TEKT3: variants seen among roughly 807,000 people sequenced by gnomAD.
The protein encoded by TEKT3 is tektin 3, also known as tektin-3.
TEKT3 carries 49 observed loss-of-function variants against 49.8 expected under a neutral mutation model. The observed-to-expected ratio is 0.98, with a 90% CI of 0.78 to 1.25. The LOEUF (loss-of-function observed/expected upper bound fraction) is 1.25, where lower values mean the gene tolerates loss of function less well. Among genes scored for constraint, TEKT3 ranks in the 50% most tolerant of loss-of-function variants. The pLI is 0.00. For synonymous variants in TEKT3, 225 were observed against 237.2 expected (o/e 0.95, Z 0.47); for missense variants, 595 against 629.5 (o/e 0.95, Z 0.59).
chr17:15,314,358 C>T (rs994844282), intron 5 of TEKT3, 128 bp from the exon 6 acceptor site: 33 of 1,302,850 alleles, frequency 2.5e-5, no homozygotes, highest in Middle Eastern at 1.8e-4. Context: ...CTTCACACAG[C>T]GTTCAATTTC....
rs147750959 is a variant in TEKT3 at position 15,312,432 on chromosome 17, G to A, written c.928C>T (p.Arg310Cys). ...GAAGCTGCCCGTTCACTCTGGGAGC[G>A]GAGAATATTGTCATCTGTAAATTTG... Reference protein sequence around the residue: ...WAKFTDDNILRSQSERAASAK... With the variant: ...WAKFTDDNILCSQSERAASAK... The change falls in exon 7 of 9, where the codon CGC (arginine) becomes TGC (cysteine). Residue 310 changes from arginine (R) to cysteine (C), a missense_variant. Coordinates refer to ENST00000395930, the MANE Select transcript of TEKT3 (RefSeq NM_031898.3). 4.8e-5 allele frequency: 78 copies of A among 1,613,966 alleles called. No homozygotes were observed. In the African/African-American group the frequency reaches 8.0e-4, roughly 17 times the overall value.
chr17:15,338,332 C>A (rs1249033638), intron 2 of TEKT3: 1 of 152,094 alleles, frequency 6.6e-6, no homozygotes, highest in Non-Finnish European at 1.5e-5. Context: ...AAAATTGAAT[C>A]TACAGTTTAA....
chr17:15,314,067 G>A lies in TEKT3; in HGVS notation c.878+20C>T, dbSNP rs750834511. On this transcript the variant is annotated intron_variant, in intron 6 of 8. Coordinates refer to ENST00000395930, the MANE Select transcript of TEKT3 (RefSeq NM_031898.3). ...GTTAAATGACATCGAAATCACAGCC[G>A]TGGCGTGTGCCTGACTTACGTTGCA... 2.7e-5 allele frequency: 44 copies of A among 1,613,930 alleles called. No individual in the cohort carries two copies. Among genetic ancestry groups the A allele is most frequent in the African/African-American group, 2.1e-4 (16 of 74,910 alleles).
intron 5 of TEKT3, among the ~76,000 whole-genome samples, chr17:15,316,609 T>C (rs747224167): frequency 2.0e-4 from 30 of 152,200 alleles, no homozygotes; most frequent in Non-Finnish European, 3.7e-4. Context: ...ACCCCATGAA[T>C]ATATACACAT....
At chr17:15,307,895 C>A (rs573345452) in intron 8 of TEKT3, among the ~76,000 whole-genome samples, 1 of 152,018 alleles carries the variant, frequency 6.6e-6, no homozygotes, top group Non-Finnish European at 1.5e-5. Context: ...CGGATTGTGG[C>A]GGGGGTAGGG....
chr17:15,314,409 A>G, intron 5 of TEKT3, 179 bp from the exon 6 acceptor site: 2 of 783,584 alleles, frequency 2.6e-6, no homozygotes, highest in Non-Finnish European at 4.3e-6. Flanking sequence ...CCATACCTCT[A>G]CGTCACTGGG....
chr17:15,317,878 G>A (rs1209749791), intron 5 of TEKT3, among the ~76,000 whole-genome samples: 1 of 151,526 alleles, frequency 6.6e-6, no homozygotes, highest in African/African-American at 2.4e-5. Flanking sequence ...TCCCCTGGAA[G>A]AATGTGTATT....
At chr17:15,306,693 G>A (rs1222741149) in intron 8 of TEKT3, among the ~76,000 whole-genome samples, 1 of 151,876 alleles carries the variant, frequency 6.6e-6, no homozygotes, top group South Asian at 2.1e-4. Flanking sequence ...TCTGTCTAAC[G>A]GCAGTATAAA....
chr17:15,320,230 A>G (rs1911192238), intron 4 of TEKT3, among the ~76,000 whole-genome samples: 1 of 152,168 alleles, frequency 6.6e-6, no homozygotes, highest in Non-Finnish European at 1.5e-5. Context: ...TTGCAAGCTG[A>G]TATTATGAGT....
intron 2 of TEKT3, among the ~76,000 whole-genome samples, 163 bp downstream of exon 2, chr17:15,339,865 G>A (rs1406462672): frequency 6.6e-6 from 1 of 151,866 alleles, no homozygotes; most frequent in Non-Finnish European, 1.5e-5. Context: ...AGACATCAAT[G>A]TTTAATTTCT....
At chr17:15,328,615 T>C (rs1911585611) in intron 3 of TEKT3, among the ~76,000 whole-genome samples, 2 of 152,136 alleles carry the variant, frequency 1.3e-5, no homozygotes, top group Non-Finnish European at 2.9e-5. Context: ...AAGTAGAAAA[T>C]ATGATTTAGC....
intron 5 of TEKT3, among the ~76,000 whole-genome samples, chr17:15,316,034 G>T (rs1910991131): frequency 6.6e-6 from 1 of 152,324 alleles, no homozygotes; most frequent in South Asian, 2.1e-4. Flanking sequence ...AAGTGTAAAT[G>T]AGAGTAGCGA....
intron 7 of TEKT3, among the ~76,000 whole-genome samples, chr17:15,310,369 G>A (rs1329091107): frequency 2.6e-5 from 4 of 152,086 alleles, no homozygotes; most frequent in Non-Finnish European, 5.9e-5. Flanking sequence ...AGTACGAATC[G>A]CCAGTGCCTT....
At position 15,303,951 on chromosome 17, in the gene TEKT3, C is replaced by T; in HGVS notation, c.1458G>A (p.Leu486=). Residue 486 remains leucine (L), a synonymous_variant, in exon 9 of 9, where the codon CTG becomes CTA. Coordinates refer to ENST00000395930, the MANE Select transcript of TEKT3 (RefSeq NM_031898.3). ...GGTGGGGTCCCTAGCAGAAGCCGAC[C>T]AGCCGGAGGGTGTTGGGGTAGCTCT... The part of the protein sequence containing the change: ...MRKSYPNTLR[L]VGFC The T allele has an allele frequency of 6.2e-7, 1 of 1,613,982 alleles. No homozygotes were observed. The highest frequency in any genetic ancestry group is 1.1e-5 in the South Asian group (1 of 91,062).
chr17:15,326,906 G>A (rs116688888), intron 4 of TEKT3, among the ~76,000 whole-genome samples: 60 of 152,214 alleles, frequency 3.9e-4, no homozygotes, highest in African/African-American at 1.3e-3. Flanking sequence ...AGAGATTAGC[G>A]GGAGATCAGC....
chr17:15,313,715 G>A (rs962609924), intron 6 of TEKT3, among the ~76,000 whole-genome samples: 6 of 151,958 alleles, frequency 3.9e-5, no homozygotes, highest in Admixed American at 2.0e-4. Flanking sequence ...CACCATGTTC[G>A]TCAGGCTGGT....
intron 4 of TEKT3, among the ~76,000 whole-genome samples, chr17:15,324,736 T>A (rs1338416656): frequency 6.6e-6 from 1 of 152,218 alleles, no homozygotes; most frequent in African/African-American, 2.4e-5. Flanking sequence ...CTCTTTTCAC[T>A]TTGTTGCTAG....
intron 4 of TEKT3, among the ~76,000 whole-genome samples, chr17:15,325,144 T>C (rs1230831761): frequency 6.6e-6 from 1 of 152,244 alleles, no homozygotes; most frequent in Non-Finnish European, 1.5e-5. Flanking sequence ...CTGTCTTACA[T>C]ATTGCAGCTT....
chr17:15,340,251 C>T (rs1402941867), intron 1 of TEKT3, among the ~76,000 whole-genome samples, 190 bp from the exon 2 acceptor site: 1 of 151,986 alleles, frequency 6.6e-6, no homozygotes, highest in African/African-American at 2.4e-5. Flanking sequence ...ATTCTATCAA[C>T]TTAAAAAGTA....
Sources: allele counts gnomAD v4.1 joint callset (sites outside exome capture counted in the v4.1 genomes callset), GRCh38; gene constraint gnomAD v4.1.1; transcripts MANE v1.5; gene names NCBI Gene and HGNC (gene_info 2026-07-23, HGNC 2026-07-21).